The following COL5A3 variants were observed in gnomAD, a reference collection of about 807,000 sequenced individuals.
The protein encoded by COL5A3 is collagen alpha-3(V) chain.
COL5A3 carries 172 observed loss-of-function variants against 250.0 expected under a neutral mutation model. The observed-to-expected ratio is 0.69, with a 90% CI of 0.61 to 0.78. The LOEUF (loss-of-function observed/expected upper bound fraction) is 0.78. COL5A3 is among the 30% of genes least tolerant of loss of function. The pLI is 0.00. For synonymous variants in COL5A3, 937 were observed against 900.4 expected, an observed-to-expected ratio of 1.04 and a Z score of -0.73; for missense variants, 2,340 against 2,334.4, an observed-to-expected ratio of 1.00 and a Z score of -0.05.
At chr19:9,976,308 A>G (rs911768684) in intron 45 of COL5A3, among the ~76,000 whole-genome samples, 2 of 151,678 alleles carry the variant, frequency 1.3e-5, no homozygotes, top group Non-Finnish European at 2.9e-5. Flanking sequence ...AGGGGAAGAC[A>G]TGGTTGGGTT....
At chr19:9,976,842 C>T (rs779448611) in intron 44 of COL5A3, among the ~76,000 whole-genome samples, 1 of 152,040 alleles carries the variant, frequency 6.6e-6, no homozygotes, top group South Asian at 2.1e-4. Context: ...GACCCAGGGA[C>T]GAAGCTGGCT....
Position 9,970,630 on chromosome 19 carries a change from C to A in COL5A3, c.3928G>T (p.Gly1310Cys). The A allele has an allele frequency of 6.9e-7, 1 of 1,446,100 alleles. No individual in the cohort carries two copies. Among genetic ancestry groups the A allele is most frequent in the East Asian group, 2.6e-5 (1 of 38,114 alleles). The allele number at this position is 1,446,100 out of a possible 1,614,324, so 89.6% of individuals were successfully genotyped here. A position where few individuals can be genotyped will look rare whatever the true frequency, so the allele number is the denominator to read the frequency against. Residue 1310 changes from glycine to cysteine, a missense_variant, in exon 54 of 67, where the codon GGC becomes TGC. Coordinates refer to ENST00000264828, the MANE Select transcript of COL5A3 (RefSeq NM_015719.4). ...GGTGGCTTATCACTTACCCTCTTGC[C>A]GGGGGGCCCGGGGGCGCCGGGCTCC... is the stretch of plus-strand genomic sequence containing the variant. ...SGEPGAPGPPGKRGPSGHMGR... is the reference protein window; with the variant it reads ...SGEPGAPGPPCKRGPSGHMGR...
chr19:9,968,343 C>CACCA lies in COL5A3; in HGVS notation c.4314+41_4314+42insTGGT. On this transcript the variant is annotated intron_variant, in intron 59 of 66. Transcript: ENST00000264828. This position sits in a 1 kb window ranked among gnomAD's most constrained non-coding sequence, Gnocchi z 4.1. ...CACCCACAGTCTCTCAACCGACCCC[C>CACCA]TCCTTCAAATGCATTCTTCCCGCTC... 7.0e-7 allele frequency: 1 copy of CACCA among 1,424,436 alleles called. No individual in the cohort carries two copies. Among genetic ancestry groups the CACCA allele is most frequent in the Non-Finnish European group, 9.8e-7 (1 of 1,019,948 alleles). The allele number at this position is 1,424,436 out of a possible 1,614,324, so 88.2% of individuals were successfully genotyped here.
chr19:9,961,054 A>C (rs2086666766), intron 65 of COL5A3, among the ~76,000 whole-genome samples, 164 bp from the exon 66 acceptor site: 1 of 151,882 alleles, frequency 6.6e-6, no homozygotes, highest in Non-Finnish European at 1.5e-5. Context: ...CAGAATCCCA[A>C]GAGTCACCTG....
chr19:9,992,489 G>GA (rs1029632431), intron 21 of COL5A3, among the ~76,000 whole-genome samples: 5 of 151,492 alleles, frequency 3.3e-5, no homozygotes, highest in East Asian at 1.9e-4. Flanking sequence ...AGAAAAGCGA[G>GA]AAAAAAAAGA....
rs569202931 is a variant in COL5A3, at chr19:10,005,642, A to G, written c.510T>C (p.Pro170=). 6.2e-7 allele frequency: 1 copy of G among 1,614,064 alleles called. No homozygotes were observed. The highest frequency in any genetic ancestry group is 2.2e-5 in the East Asian group (1 of 44,874). Residue 170 remains proline, a synonymous_variant, in exon 4 of 67, where the codon CCT becomes CCC. Transcript: ENST00000264828. The part of the protein sequence containing the change: ...TLVADCEAQP[P]VLGHGPRFIS... ...TGAAGCGGGGGCCATGGCCCAAAAC[A>G]GGGGGCTGAGCTTCACAGTCAGCTA...
chr19:9,989,404 C>T, intron 25 of COL5A3, 38 bp from the exon 26 acceptor site: 2 of 1,614,072 alleles, frequency 1.2e-6, no homozygotes, highest in South Asian at 1.1e-5. Context: ...GAGACCAAAA[C>T]TTGCCATTCC....
In COL5A3 at chr19:10,009,161, G is replaced by GGTTGTGTGTGTGTGTGT. The variant is rs570427193; in HGVS notation, c.88+1136_88+1137insACACACACACACACAAC. ...GACTCCAAAGTAAGAAGTGTGCTGT[G>GGTTGTGTGTGTGTGTGT]GTGTGTGTGTGTGTGTGTGTGTGTG... is the stretch of plus-strand genomic sequence containing the variant. On this transcript the variant is annotated intron_variant, in intron 1 of 66. Transcript: ENST00000264828. This position sits in a 1 kb window ranked among gnomAD's most constrained non-coding sequence, Gnocchi z 4.4. Among the ~76,000 whole-genome samples the GGTTGTGTGTGTGTGTGT allele has an allele frequency of 7.1e-6, 1 of 140,348 alleles. No homozygotes were observed. Among genetic ancestry groups the GGTTGTGTGTGTGTGTGT allele is most frequent in the Non-Finnish European group, 1.6e-5 (1 of 63,962 alleles). 92.1% of individuals were successfully genotyped at this position (140,348 alleles called of 152,430 possible).
intron 8 of COL5A3, among the ~76,000 whole-genome samples, chr19:9,999,158 T>TCCTTCCTC (rs2087317428): frequency 6.7e-6 from 1 of 148,942 alleles, no homozygotes; most frequent in African/African-American, 2.5e-5. Context: ...CTTCCTTCCT[T>TCCTTCCTC]CCTTCCTTCC....
chr19:10,006,059 C>T lies in COL5A3; in HGVS notation c.247+14G>A, dbSNP rs746708321. Reference sequence around the variant, plus strand: ...CCCTCCGGGGAGGTACCCAGGCCTCCTACTCCAACTCACCTGGAAAGAGTT... The same window carrying T: ...CCCTCCGGGGAGGTACCCAGGCCTCTTACTCCAACTCACCTGGAAAGAGTT... On this transcript the variant is annotated intron_variant, in intron 2 of 66. Coordinates refer to ENST00000264828, the MANE Select transcript of COL5A3 (RefSeq NM_015719.4). 5 of 1,613,402 alleles carry T rather than the reference C, an allele frequency of 3.1e-6. No individual in the cohort carries two copies. The highest frequency in any genetic ancestry group is 4.2e-6 in the Non-Finnish European group (5 of 1,179,580).
At position 9,978,569 on chromosome 19, in the gene COL5A3, C is replaced by T. The variant is rs1462669724; in HGVS notation, c.3018+5G>A. 1 of 1,578,742 alleles carries T rather than the reference C, an allele frequency of 6.3e-7. No homozygotes were observed. Among genetic ancestry groups the T allele is most frequent in the Non-Finnish European group, 8.7e-7 (1 of 1,155,704 alleles). On this transcript the variant is annotated splice_donor_5th_base_variant and intron_variant, in intron 41 of 66. Coordinates refer to ENST00000264828, the MANE Select transcript of COL5A3 (RefSeq NM_015719.4). Reference sequence around the variant, plus strand: ...CCCCCACCCAGCACATGGGGTTATACTTACATTGGCCCCCACGGGCCCTGG... The same window carrying T: ...CCCCCACCCAGCACATGGGGTTATATTTACATTGGCCCCCACGGGCCCTGG...
chr19:10,005,591 C>A lies in COL5A3; in HGVS notation c.561G>T (p.Leu187=), dbSNP rs1477781035. The change falls in exon 4 of 67, where the codon CTG becomes CTT. Residue 187 remains leucine, a synonymous_variant. Transcript: ENST00000264828. ...TCTTTTCCCCAAGGTCCTGGGTCCC[C>A]AGCACAGTGAGTCCAGCTATGCTGA... ...RFISIAGLTV[L]GTQDLGEKTF... The A allele has an allele frequency of 5.0e-6, 8 of 1,614,098 alleles. No individual in the cohort carries two copies. The highest frequency in any genetic ancestry group is 5.9e-6 in the Non-Finnish European group (7 of 1,180,040).
chr19:9,982,208 C>T (rs2087021769), intron 31 of COL5A3, 90 bp from the exon 32 acceptor site: 1 of 850,944 alleles, frequency 1.2e-6, no homozygotes, highest in South Asian at 1.8e-5. Context: ...GAGGCATTTC[C>T]AGGTCACTGA....
intron 10 of COL5A3, among the ~76,000 whole-genome samples, chr19:9,997,769 A>T (rs1255854327): frequency 3.9e-5 from 6 of 152,054 alleles, no homozygotes; most frequent in African/African-American, 1.2e-4. Flanking sequence ...TTTTTAAAAA[A>T]ATATATGGCT....
chr19:10,009,129 C>T lies in COL5A3; in HGVS notation c.88+1169G>A, dbSNP rs977282475. On this transcript the variant is annotated intron_variant, in intron 1 of 66. Transcript: ENST00000264828. The surrounding 1 kb of genome is among the most constrained non-coding windows in gnomAD (Gnocchi z 4.4). ...AGGGATTAACCATATGGACAGGCACCTTCCTGGACTCCAAAGTAAGAAGTG... is the reference window on the plus strand; with the variant it reads ...AGGGATTAACCATATGGACAGGCACTTTCCTGGACTCCAAAGTAAGAAGTG... 5.3e-5 allele frequency among the ~76,000 whole-genome samples: 8 copies of T among 149,796 alleles called. No individual in the cohort carries two copies. The highest frequency in any genetic ancestry group is 1.7e-4 in the African/African-American group (7 of 40,618).
chr19:9,971,085 A>G, intron 52 of COL5A3, 57 bp from the exon 53 acceptor site: 1 of 1,463,184 alleles, frequency 6.8e-7, no homozygotes, highest in South Asian at 1.4e-5. Flanking sequence ...AGAATTTGGG[A>G]TGGGGCTGGG....
In COL5A3 at chr19:9,986,621, CAG is replaced by C. The variant is rs2087104245; in HGVS notation, c.2191-17_2191-16del. On this transcript the variant is annotated splice_polypyrimidine_tract_variant and intron_variant, in intron 28 of 66. Coordinates refer to ENST00000264828, the MANE Select transcript of COL5A3 (RefSeq NM_015719.4). Reference sequence around the variant, plus strand: ...CCGTCCTCTCCCTGGGTGGGAGAGACAGAGGCCAGAAGTGAGGGCCTCGGGGA... The same window carrying C: ...CCGTCCTCTCCCTGGGTGGGAGAGACAGGCCAGAAGTGAGGGCCTCGGGGA... 4 of 1,613,870 alleles carry C rather than the reference CAG, an allele frequency of 2.5e-6. No individual in the cohort carries two copies. The highest frequency in any genetic ancestry group is 3.4e-6 in the Non-Finnish European group (4 of 1,179,970).
At chr19:9,967,787 G>C in intron 61 of COL5A3, 117 bp downstream of exon 61, 1 of 1,034,048 alleles carries the variant, frequency 9.7e-7, no homozygotes, top group Non-Finnish European at 1.4e-6. Flanking sequence ...AATATTTGTC[G>C]AACGCACGAT....
intron 61 of COL5A3, chr19:9,967,658 G>A (rs1024383682): frequency 5.3e-5 from 29 of 546,674 alleles, no homozygotes; most frequent in Non-Finnish European, 8.1e-5. Context: ...TAACATCTTT[G>A]GCAAGTCATA....
Sources: gnomAD v4.1 joint callset for allele counts (sites outside exome capture counted in the v4.1 genomes callset) on GRCh38, gnomAD v4.1.1 for gene constraint, Gnocchi (gnomAD v3.1) non-coding constraint, MANE v1.5 for transcripts, NCBI Gene and HGNC (gene_info 2026-07-23, HGNC 2026-07-21) for gene names.